CNOT8: variants seen among roughly 807,000 people sequenced by gnomAD.
The protein encoded by CNOT8 is CCR4-NOT transcription complex subunit 8.
In CNOT8, 18 loss-of-function variants were observed where a neutral mutation model predicts 34.6. That is an observed-to-expected ratio of 0.52 (90% CI 0.36 to 0.77). The LOEUF (loss-of-function observed/expected upper bound fraction) is 0.77. Ranked by LOEUF, CNOT8 falls within the 30% of genes least tolerant of loss-of-function variation. The pLI, the probability that CNOT8 is intolerant of heterozygous loss-of-function variation, is 0.00. For missense variants in CNOT8, 189 were observed against 347.9 expected (o/e 0.54, Z 3.63); for synonymous variants, 101 against 118.8 (o/e 0.85, Z 0.98).
rs1762856810 is a variant in CNOT8, at chr5:154,875,424, C to T, written c.864C>T (p.Asn288=). Residue 288 remains asparagine, a synonymous_variant, in exon 7 of 7, where the codon AAC becomes AAT. Coordinates refer to ENST00000285896, the MANE Select transcript of CNOT8 (RefSeq NM_001301073.2). Reference sequence around the variant, plus strand: ...AGATGAGCATCCTGGCGATTATCAACAACATGCAGCAGTGATGGCGCCAGG... The same window carrying T: ...AGATGAGCATCCTGGCGATTATCAATAACATGCAGCAGTGATGGCGCCAGG... ...QEKMSILAII[N]NMQQ is the part of the protein sequence containing the mutation. 6.2e-7 allele frequency: 1 copy of T among 1,613,658 alleles called. No homozygotes were observed. The highest frequency in any genetic ancestry group is 8.5e-7 in the Non-Finnish European group (1 of 1,180,022).
chr5:154,862,285 A>G (rs931058126), intron 1 of CNOT8, among the ~76,000 whole-genome samples: 5 of 152,124 alleles, frequency 3.3e-5, no homozygotes, highest in Non-Finnish European at 7.4e-5. Context: ...AGCCTGACCA[A>G]TATGGTGAAA....
intron 3 of CNOT8, among the ~76,000 whole-genome samples, chr5:154,866,084 A>G (rs906063759): frequency 6.6e-6 from 1 of 152,208 alleles, no homozygotes. Context: ...TGCTGATTGC[A>G]TAAAATGATG....
intron 4 of CNOT8, among the ~76,000 whole-genome samples, chr5:154,871,408 A>C (rs1762467122): frequency 6.6e-6 from 1 of 152,006 alleles, no homozygotes; most frequent in Non-Finnish European, 1.5e-5. Context: ...AAAATACAAA[A>C]ATTAGCCAGG....
At position 154,865,232 on chromosome 5, in the gene CNOT8, A is replaced by G. The variant is rs1461807416; in HGVS notation, c.158A>G (p.Glu53Gly). The G allele has an allele frequency of 6.2e-7, 1 of 1,604,198 alleles. No homozygotes were observed. Among genetic ancestry groups the G allele is most frequent in the South Asian group, 1.1e-5 (1 of 88,622 alleles). Residue 53 changes from glutamate (E) to glycine (G), a missense_variant, in exon 3 of 7, where the codon GAA (glutamate) becomes GGA (glycine). Glu to Gly is a moderately conservative substitution (Grantham distance 98). Transcript: ENST00000285896. ...GGTGTTGTGGTGCGACCAATTGGTGAATTTCGTAGTTCCATAGATTACCAA... is the reference window on the plus strand; with the variant it reads ...GGTGTTGTGGTGCGACCAATTGGTGGATTTCGTAGTTCCATAGATTACCAA... ...FPGVVVRPIG[E>G]FRSSIDYQYQ...
chr5:154,875,102 A>C (rs1762826367), intron 6 of CNOT8, among the ~76,000 whole-genome samples, 188 bp from the exon 7 acceptor site: 1 of 152,018 alleles, frequency 6.6e-6, no homozygotes, highest in Admixed American at 6.6e-5. Context: ...CTTTTAGTAG[A>C]GATGGGGTTT....
Position 154,870,777 on chromosome 5 carries a change from CAG to C in CNOT8, c.429_430del (p.Gly144SerfsTer5). On this transcript the variant is annotated frameshift_variant, in exon 4 of 7. Transcript: ENST00000285896. LOFTEE classifies it high-confidence loss of function. ...CACTTTGCAGAGCTGCTTATGACAT[CAG>C]GAGTGGTTCTCTGTGACAATGTCAA... 1 of 1,614,032 alleles carries C rather than the reference CAG, an allele frequency of 6.2e-7. No individual in the cohort carries two copies.
chr5:154,869,160 C>T (rs2113347453), intron 3 of CNOT8, among the ~76,000 whole-genome samples: 1 of 152,026 alleles, frequency 6.6e-6, no homozygotes, highest in South Asian at 2.1e-4. Flanking sequence ...GCTCCTGTTG[C>T]CCAGGCTGGA....
chr5:154,861,240 C>G (rs746534236), intron 1 of CNOT8, among the ~76,000 whole-genome samples: 4 of 152,142 alleles, frequency 2.6e-5, no homozygotes, highest in Non-Finnish European at 4.4e-5. Flanking sequence ...TTTTCCTGAT[C>G]TTTATTGTTC....
chr5:154,872,749 A>T (rs73278819), intron 6 of CNOT8, 98 bp downstream of exon 6: 13,780 of 466,726 alleles, frequency 0.03, 354 homozygotes, highest in African/African-American at 0.097. Flanking sequence ...AGGTTTGTTG[A>T]ACATTTATTT....
chr5:154,875,584 G>GT lies in CNOT8; in HGVS notation c.*145_*146insT. 5 of 834,594 alleles carry GT rather than the reference G, an allele frequency of 6.0e-6. No individual in the cohort carries two copies. Among genetic ancestry groups the GT allele is most frequent in the Non-Finnish European group, 8.9e-6 (5 of 563,160 alleles). 51.7% of individuals were successfully genotyped at this position (834,594 alleles called of 1,614,324 possible). On this transcript the variant is annotated 3_prime_UTR_variant, in exon 7 of 7. Coordinates refer to ENST00000285896, the MANE Select transcript of CNOT8 (RefSeq NM_001301073.2). The stretch of plus-strand genomic sequence containing the variant: ...TGAGCAGAAAGACTTTTGTTTTACT[G>GT]AAGACAAAAGATGTTTTTATTTTAG...
chr5:154,875,399 A>G lies in CNOT8; in HGVS notation c.839A>G (p.Lys280Arg), dbSNP rs200582500. Residue 280 changes from lysine to arginine, a missense_variant, in exon 7 of 7, where the codon AAG (lysine) becomes AGG (arginine). Coordinates refer to ENST00000285896, the MANE Select transcript of CNOT8 (RefSeq NM_001301073.2). ...QNEDVDSAQE[K>R]MSILAIINNM... ...GAGGATGTGGACTCTGCCCAGGAGA[A>G]GATGAGCATCCTGGCGATTATCAAC... is the stretch of plus-strand genomic sequence containing the variant. The G allele has an allele frequency of 1.2e-5, 19 of 1,614,068 alleles. No individual in the cohort carries two copies. Among genetic ancestry groups the G allele is most frequent in the Admixed American group, 6.7e-5 (4 of 60,016 alleles).
intron 2 of CNOT8, among the ~76,000 whole-genome samples, chr5:154,864,261 C>A (rs930702048): frequency 2.0e-5 from 3 of 152,056 alleles, no homozygotes; most frequent in Admixed American, 6.5e-5. Context: ...GAGATTGAGA[C>A]CATCCTGGCT....
intron 6 of CNOT8, among the ~76,000 whole-genome samples, chr5:154,874,107 C>T (rs745439194): frequency 3.3e-5 from 5 of 152,088 alleles, no homozygotes; most frequent in Admixed American, 6.6e-5. Flanking sequence ...CAAGTGAGTC[C>T]GGCTGAATCC....
intron 3 of CNOT8, among the ~76,000 whole-genome samples, chr5:154,867,387 C>A (rs1364762866): frequency 6.6e-6 from 1 of 152,056 alleles, no homozygotes; most frequent in African/African-American, 2.4e-5. Flanking sequence ...CAGTTTTTTT[C>A]ATGACAGAGT....
At chr5:154,863,458 GC>G in intron 2 of CNOT8, 63 bp downstream of exon 2, 1 of 1,231,428 alleles carries the variant, frequency 8.1e-7, no homozygotes, top group Non-Finnish European at 1.2e-6. Context: ...TTGCTCTGTT[GC>G]CCAGGCTGGA....
At chr5:154,874,459 C>T (rs1762760046) in intron 6 of CNOT8, among the ~76,000 whole-genome samples, 1 of 151,906 alleles carries the variant, frequency 6.6e-6, no homozygotes, top group African/African-American at 2.4e-5. Flanking sequence ...ACCTGTAATC[C>T]CAGCTACTCG....
intron 3 of CNOT8, 166 bp from the exon 4 acceptor site, chr5:154,870,495 C>T: frequency 2.1e-6 from 1 of 478,600 alleles, no homozygotes; most frequent in Non-Finnish European, 3.6e-6. Context: ...GAAATATGAT[C>T]TACTTTGCAT....
intron 6 of CNOT8, 21 bp downstream of exon 6, chr5:154,872,672 T>C: frequency 6.7e-7 from 1 of 1,493,304 alleles, no homozygotes; most frequent in Non-Finnish European, 9.3e-7. Flanking sequence ...TTGAATGTGA[T>C]CACAGGCCTC....
At chr5:154,871,980 T>C (rs909741365) in intron 5 of CNOT8, 106 bp downstream of exon 5, 2 of 903,280 alleles carry the variant, frequency 2.2e-6, no homozygotes, top group Non-Finnish European at 3.4e-6. Flanking sequence ...TACTAGATGC[T>C]AGTGTGGTGG....
Sources: gnomAD v4.1 joint callset for allele counts (sites outside exome capture counted in the v4.1 genomes callset) on GRCh38, gnomAD v4.1.1 for gene constraint, MANE v1.5 for transcripts, NCBI Gene and HGNC (gene_info 2026-07-23, HGNC 2026-07-21) for gene names.